CFDP1: variants seen among roughly 807,000 people sequenced by gnomAD.
CFDP1 encodes heterochromatin-stabilizing protein CFDP1.
In CFDP1, 31 loss-of-function variants were observed where a neutral mutation model predicts 40.1. The ratio of observed to expected loss-of-function variants is 0.77; its 90% CI spans 0.58 to 1.04. The LOEUF is 1.04. CFDP1 is among the 50% of genes least tolerant of loss of function. The probability of loss-of-function intolerance (pLI) is 0.00; values close to 1 mark genes in which losing one functional copy is unlikely to be tolerated. For synonymous variants in CFDP1, 167 were observed against 120.0 expected (o/e 1.39, Z -2.56); for missense variants, 423 against 343.4 (o/e 1.23, Z -1.83).
At position 75,398,870 on chromosome 16, in the gene CFDP1, C is replaced by T. The variant is rs190426199; in HGVS notation, c.531-3661G>A. Among the ~76,000 whole-genome samples the T allele has an allele frequency of 6.5e-3, 989 of 151,958 alleles. 8 individuals are homozygous for T. The highest frequency in any genetic ancestry group is 0.017 in the Middle Eastern group (5 of 294). ...GAGATTGAGACCACCCTGGCTAACA[C>T]GGTGAAACCCCGTCTCTACTAAAAA... On this transcript the variant is annotated intron_variant, in intron 4 of 6. Coordinates refer to ENST00000283882, the MANE Select transcript of CFDP1 (RefSeq NM_006324.3).
intron 5 of CFDP1, among the ~76,000 whole-genome samples, chr16:75,317,010 A>G (rs1237328967): frequency 2.6e-5 from 4 of 152,080 alleles, no homozygotes; most frequent in African/African-American, 9.7e-5. Flanking sequence ...AAATAAATAA[A>G]AATAAAAATA....
chr16:75,364,099 A>G (rs1414705807), intron 5 of CFDP1, among the ~76,000 whole-genome samples: 5 of 152,094 alleles, frequency 3.3e-5, no homozygotes, highest in African/African-American at 1.2e-4. Context: ...CTCTAGATCT[A>G]TGTGTTTAAA....
chr16:75,424,516 G>A (rs1259830351), intron 1 of CFDP1, among the ~76,000 whole-genome samples: 1 of 152,188 alleles, frequency 6.6e-6, no homozygotes, highest in African/African-American at 2.4e-5. Flanking sequence ...AGCACTTTGG[G>A]AGGCTGAGGC....
intron 5 of CFDP1, among the ~76,000 whole-genome samples, chr16:75,309,540 A>T (rs764123561): frequency 8.6e-5 from 13 of 151,670 alleles, no homozygotes; most frequent in Non-Finnish European, 1.9e-4. Flanking sequence ...AACCAATCCA[A>T]CCGGGCGCTG....
chr16:75,384,842 G>T (rs982560914), intron 5 of CFDP1, among the ~76,000 whole-genome samples: 1 of 75,250 alleles, frequency 1.3e-5, no homozygotes, highest in African/African-American at 5.2e-5. Context: ...GTTGCAAGAA[G>T]AAACTAAAAC....
At chr16:75,333,658 CAG>C (rs985313435) in intron 5 of CFDP1, among the ~76,000 whole-genome samples, 3 of 152,176 alleles carry the variant, frequency 2.0e-5, no homozygotes, top group Non-Finnish European at 4.4e-5. Flanking sequence ...ATGCCCCTTT[CAG>C]ATATATGCTG....
chr16:75,295,612 G>T (rs973386403), intron 6 of CFDP1, among the ~76,000 whole-genome samples: 6 of 152,190 alleles, frequency 3.9e-5, no homozygotes, highest in African/African-American at 1.4e-4. Flanking sequence ...CAAAACACCT[G>T]GTCTGGCTCA....
chr16:75,316,655 C>G (rs1466729970), intron 5 of CFDP1, among the ~76,000 whole-genome samples: 1 of 150,046 alleles, frequency 6.7e-6, no homozygotes, highest in Non-Finnish European at 1.5e-5. Flanking sequence ...GAGTAAAGCT[C>G]TAGCTGTAAA....
chr16:75,363,642 C>T lies in CFDP1; in HGVS notation c.650+31448G>A, dbSNP rs1391608369. The stretch of plus-strand genomic sequence containing the variant: ...AACACCTGACCTCAAATGAGCCACC[C>T]ACCTTGGCTTCCCAAAGTGCTGCGA... On this transcript the variant is annotated intron_variant, in intron 5 of 6. Coordinates refer to ENST00000283882, the MANE Select transcript of CFDP1 (RefSeq NM_006324.3). 2.6e-5 allele frequency among the ~76,000 whole-genome samples: 4 copies of T among 152,240 alleles called. No homozygotes were observed. The East Asian group carries it at 5.8e-4, about 22-fold the overall frequency.
At chr16:75,365,995 T>G (rs1186133148) in intron 5 of CFDP1, among the ~76,000 whole-genome samples, 1 of 152,170 alleles carries the variant, frequency 6.6e-6, no homozygotes, top group African/African-American at 2.4e-5. Context: ...AAAATTTCTT[T>G]GAAAATAATT....
chr16:75,339,320 T>A (rs1183097072), intron 5 of CFDP1, among the ~76,000 whole-genome samples: 2 of 152,218 alleles, frequency 1.3e-5, no homozygotes, highest in Non-Finnish European at 2.9e-5. Flanking sequence ...TCATGTTTTA[T>A]TTCCAAGGTC....
chr16:75,424,436 C>T (rs1231389428), intron 1 of CFDP1, among the ~76,000 whole-genome samples: 3 of 152,200 alleles, frequency 2.0e-5, no homozygotes, highest in Non-Finnish European at 4.4e-5. Context: ...AGTGGTAAAA[C>T]ACTAGTTTCT....
intron 1 of CFDP1, chr16:75,418,937 C>T (rs919949680): frequency 2.6e-5 from 5 of 188,884 alleles, no homozygotes; most frequent in East Asian, 1.4e-4. Context: ...CCCATGAGTT[C>T]GAGACCAGCC....
intron 5 of CFDP1, among the ~76,000 whole-genome samples, chr16:75,373,563 T>C (rs1275754278): frequency 2.6e-5 from 4 of 152,178 alleles, no homozygotes; most frequent in Non-Finnish European, 4.4e-5. Context: ...GTGTAACTAA[T>C]CATGAACAAA....
At chr16:75,421,942 C>T (rs1189241020) in intron 1 of CFDP1, among the ~76,000 whole-genome samples, 1 of 152,158 alleles carries the variant, frequency 6.6e-6, no homozygotes, top group Non-Finnish European at 1.5e-5. Flanking sequence ...CTCTTGCATA[C>T]TTTAAGTCAT....
chr16:75,332,408 T>C (rs1430582493), intron 5 of CFDP1, among the ~76,000 whole-genome samples: 1 of 152,070 alleles, frequency 6.6e-6, no homozygotes, highest in Admixed American at 6.6e-5. Flanking sequence ...GAAGTTGCAG[T>C]GAGCAGAGAT....
chr16:75,310,833 G>A (rs527983470), intron 5 of CFDP1, among the ~76,000 whole-genome samples: 20 of 152,214 alleles, frequency 1.3e-4, no homozygotes, highest in Non-Finnish European at 1.9e-4. Context: ...GATCTTTCCC[G>A]GAGATCTTTA....
rs1443331478 is a variant in CFDP1, at chr16:75,316,432, T to A, written c.651-11250A>T. Reference sequence around the variant, plus strand: ...ATCCTATTTGAAAGGCCAGGCAGTGTGCTGGCTCACGCCTATAATTCAAGC... The same window carrying A: ...ATCCTATTTGAAAGGCCAGGCAGTGAGCTGGCTCACGCCTATAATTCAAGC... On this transcript the variant is annotated intron_variant, in intron 5 of 6. Coordinates refer to ENST00000283882, the MANE Select transcript of CFDP1 (RefSeq NM_006324.3). Among the ~76,000 whole-genome samples, 7 of 152,104 alleles carry A rather than the reference T, an allele frequency of 4.6e-5. No homozygotes were observed. The East Asian group carries it at 1.4e-3, about 29-fold the overall frequency.
intron 6 of CFDP1, among the ~76,000 whole-genome samples, chr16:75,302,514 G>C (rs2151499139): frequency 1.3e-5 from 2 of 152,220 alleles, no homozygotes; most frequent in East Asian, 3.8e-4. Flanking sequence ...GCCTCCCAAA[G>C]TGCTGGGATT....
Sources: gnomAD v4.1 joint callset for allele counts (sites outside exome capture counted in the v4.1 genomes callset) on GRCh38, gnomAD v4.1.1 for gene constraint, MANE v1.5 for transcripts, NCBI Gene and HGNC (gene_info 2026-07-23, HGNC 2026-07-21) for gene names.